MIPOL1: variants seen among roughly 807,000 people sequenced by gnomAD.
MIPOL1 encodes mirror-image polydactyly gene 1 protein.
A neutral mutation model predicts 60.9 loss-of-function variants in MIPOL1; 57 were observed. The ratio of observed to expected loss-of-function variants is 0.94; its 90% confidence interval spans 0.76 to 1.17. The LOEUF is 1.17. Among genes scored for constraint, MIPOL1 ranks in the 50% most tolerant of loss-of-function variants. The probability of loss-of-function intolerance (pLI) is 0.00; values close to 1 mark genes in which losing one functional copy is unlikely to be tolerated. For synonymous variants in MIPOL1, 179 were observed against 168.8 expected, an observed-to-expected ratio of 1.06 and a Z score of -0.47; for missense variants, 551 against 511.6, an observed-to-expected ratio of 1.08 and a Z score of -0.74.
intron 3 of MIPOL1, among the ~76,000 whole-genome samples, chr14:37,254,089 T>G (rs1003716562): frequency 1.3e-5 from 2 of 151,726 alleles, no homozygotes; most frequent in Admixed American, 6.6e-5. Flanking sequence ...AGAGAGTGGT[T>G]TTAGGAATAC....
At chr14:37,526,947 T>C (rs1410477867) in intron 12 of MIPOL1, among the ~76,000 whole-genome samples, 8 of 152,206 alleles carry the variant, frequency 5.3e-5, no homozygotes, top group Admixed American at 5.2e-4. Context: ...GAGTAAGTTG[T>C]TAGCCTTCCA....
chr14:37,208,032 T>G (rs1282514518), intron 1 of MIPOL1, among the ~76,000 whole-genome samples: 2 of 152,212 alleles, frequency 1.3e-5, no homozygotes, highest in Non-Finnish European at 2.9e-5. Flanking sequence ...CAATAAGACA[T>G]GTTTACCTTA....
At chr14:37,348,656 A>G (rs1277684730) in intron 9 of MIPOL1, among the ~76,000 whole-genome samples, 1 of 151,826 alleles carries the variant, frequency 6.6e-6, no homozygotes, top group Non-Finnish European at 1.5e-5. Context: ...CAGAAACAAG[A>G]GAAGGATGAC....
chr14:37,518,917 C>G (rs1046693334), intron 12 of MIPOL1, among the ~76,000 whole-genome samples: 2 of 60,786 alleles, frequency 3.3e-5, no homozygotes, highest in African/African-American at 2.1e-4. Context: ...TCTTGTGAAT[C>G]AAAAAATAAA....
chr14:37,315,701 G>C (rs2087797700), intron 9 of MIPOL1, among the ~76,000 whole-genome samples: 1 of 152,094 alleles, frequency 6.6e-6, no homozygotes, highest in African/African-American at 2.4e-5. Flanking sequence ...TATTTTGGGA[G>C]GGGTATGACA....
At chr14:37,339,087 A>G (rs2090394665) in intron 9 of MIPOL1, among the ~76,000 whole-genome samples, 1 of 152,260 alleles carries the variant, frequency 6.6e-6, no homozygotes, top group Admixed American at 6.5e-5. Flanking sequence ...TTTATAAAAC[A>G]GTGGACTTGT....
At chr14:37,340,407 A>G (rs1214597018) in intron 9 of MIPOL1, among the ~76,000 whole-genome samples, 2 of 152,174 alleles carry the variant, frequency 1.3e-5, no homozygotes, top group Non-Finnish European at 2.9e-5. Flanking sequence ...TTAAAAGTTT[A>G]TGAAGTAAAA....
rs146366629 is a variant in MIPOL1 at position 37,232,891 on chromosome 14, C to T, written c.-198-14212C>T. 3.0e-3 allele frequency among the ~76,000 whole-genome samples: 459 copies of T among 152,262 alleles called. 3 individuals carry two copies. Among genetic ancestry groups the T allele is most frequent in the African/African-American group, 0.01 (435 of 41,552 alleles). On this transcript the variant is annotated intron_variant, in intron 1 of 12. Transcript: ENST00000684589. ...CCAAGGCAGAAAGATTAAAATCTGGCCACTCTAAAATTCCCAGATTATACA... is the reference window on the plus strand; with the variant it reads ...CCAAGGCAGAAAGATTAAAATCTGGTCACTCTAAAATTCCCAGATTATACA...
At position 37,499,958 on chromosome 14, in the gene MIPOL1, A is replaced by T; in HGVS notation, c.1082A>T (p.Tyr361Phe). 1 of 1,610,604 alleles carries T rather than the reference A, an allele frequency of 6.2e-7. No individual in the cohort carries two copies. Among genetic ancestry groups the T allele is most frequent in the Non-Finnish European group, 8.5e-7 (1 of 1,177,494 alleles). Residue 361 changes from tyrosine (Y) to phenylalanine (F), a missense_variant, in exon 12 of 13, where the codon TAT becomes TTT. Coordinates refer to ENST00000684589, the MANE Select transcript of MIPOL1 (RefSeq NM_001388067.1). ...QEENLKDQFN[Y>F]TLSTYEEALK... ...GAAAATCTGAAGGATCAGTTTAACT[A>T]TACCCTTAGTACATATGAAGAAGCT... is the stretch of plus-strand genomic sequence containing the variant.
chr14:37,435,524 T>G (rs2153562243), intron 11 of MIPOL1, among the ~76,000 whole-genome samples: 1 of 152,314 alleles, frequency 6.6e-6, no homozygotes, highest in East Asian at 1.9e-4. Context: ...ATTTTTTTTT[T>G]TAACCGCTGA....
At chr14:37,466,283 G>C (rs959932991) in intron 11 of MIPOL1, among the ~76,000 whole-genome samples, 44 of 152,226 alleles carry the variant, frequency 2.9e-4, no homozygotes, top group African/African-American at 8.9e-4. Context: ...ATGTTTAAGT[G>C]ACAAAGTACT....
At chr14:37,516,459 A>ATTTTAT (rs1170814730) in intron 12 of MIPOL1, among the ~76,000 whole-genome samples, 4 of 152,152 alleles carry the variant, frequency 2.6e-5, no homozygotes, top group African/African-American at 7.2e-5. Flanking sequence ...ATTCTTTAAT[A>ATTTTAT]TTTTATTGAA....
At chr14:37,360,447 C>T (rs564745945) in intron 9 of MIPOL1, among the ~76,000 whole-genome samples, 1 of 152,222 alleles carries the variant, frequency 6.6e-6, no homozygotes, top group East Asian at 1.9e-4. Context: ...CCATCTAGTC[C>T]TGGACTTTTT....
At chr14:37,265,891 A>G (rs548333887) in intron 3 of MIPOL1, among the ~76,000 whole-genome samples, 1 of 152,266 alleles carries the variant, frequency 6.6e-6, no homozygotes, top group East Asian at 1.9e-4. Flanking sequence ...AGCCTTTTGA[A>G]ATAGAAATCT....
intron 12 of MIPOL1, among the ~76,000 whole-genome samples, chr14:37,509,593 T>C (rs1400173784): frequency 6.6e-6 from 1 of 151,684 alleles, no homozygotes; most frequent in Non-Finnish European, 1.5e-5. Flanking sequence ...TATGTACATA[T>C]ATAGTACAGA....
intron 7 of MIPOL1, among the ~76,000 whole-genome samples, chr14:37,288,233 C>T (rs1415563613): frequency 6.6e-6 from 1 of 151,702 alleles, no homozygotes; most frequent in Non-Finnish European, 1.5e-5. Context: ...TCTTGAACTC[C>T]TAAGCTCAAG....
At chr14:37,285,816 A>T (rs1270393951) in intron 7 of MIPOL1, among the ~76,000 whole-genome samples, 1 of 151,592 alleles carries the variant, frequency 6.6e-6, no homozygotes, top group East Asian at 1.9e-4. Context: ...ATGGTCTCGA[A>T]CTCCTGACCT....
At chr14:37,218,197 T>C (rs1342908390) in intron 1 of MIPOL1, among the ~76,000 whole-genome samples, 4 of 152,152 alleles carry the variant, frequency 2.6e-5, no homozygotes, top group Admixed American at 6.5e-5. Context: ...TTATTATTTT[T>C]TGAGACAAAG....
rs1313906942 is a variant in MIPOL1, at chr14:37,318,829, TTAG to T, written c.828+10312_828+10314del. 4.4e-4 allele frequency among the ~76,000 whole-genome samples: 66 copies of T among 151,304 alleles called. 1 individual carries two copies. The highest frequency in any genetic ancestry group is 1.5e-3 in the African/African-American group (61 of 40,920). On this transcript the variant is annotated intron_variant, in intron 9 of 12. Transcript: ENST00000684589. ...TTTATTTATTTATTTATTTATTTAG[TTAG>T]TTAGTTAGTTAGTTAAGACAGAGTC...
Sources: allele counts gnomAD v4.1 joint callset (sites outside exome capture counted in the v4.1 genomes callset), GRCh38; gene constraint gnomAD v4.1.1; transcripts MANE v1.5; gene names NCBI Gene and HGNC (gene_info 2026-07-23, HGNC 2026-07-21).